LRFN2: variants seen among roughly 807,000 people sequenced by gnomAD.
LRFN2 encodes leucine rich repeat and fibronectin type III domain containing 2.
Under a neutral mutation model 37.3 loss-of-function variants are expected in LRFN2, and 18 were observed. That is an observed-to-expected ratio of 0.48 (90% CI 0.33 to 0.72). The LOEUF is 0.72. LRFN2 is among the 30% of genes least tolerant of loss of function. The probability of loss-of-function intolerance (pLI) is 0.02; values close to 1 mark genes in which losing one functional copy is unlikely to be tolerated. For missense variants in LRFN2, 1,006 were observed against 1,060.7 expected, an observed-to-expected ratio of 0.95 and a Z score of 0.72; for synonymous variants, 556 against 466.6, an observed-to-expected ratio of 1.19 and a Z score of -2.47.
chr6:40,415,672 A>G (rs1210365645), intron 2 of LRFN2, among the ~76,000 whole-genome samples: 2 of 152,210 alleles, frequency 1.3e-5, no homozygotes, highest in Non-Finnish European at 1.5e-5. Flanking sequence ...AAGACCTCCC[A>G]GAATAGTTGT....
chr6:40,552,654 C>A (rs1766797907), intron 1 of LRFN2, among the ~76,000 whole-genome samples: 1 of 152,148 alleles, frequency 6.6e-6, no homozygotes, highest in African/African-American at 2.4e-5. Context: ...ACTAAAGTCT[C>A]AAAAGCCATT....
At chr6:40,395,856 G>A (rs1247232781) in intron 2 of LRFN2, among the ~76,000 whole-genome samples, 7 of 152,100 alleles carry the variant, frequency 4.6e-5, no homozygotes, top group Non-Finnish European at 1.0e-4. Flanking sequence ...CCATTTTGTT[G>A]GGCCACAGTG....
chr6:40,550,006 C>T (rs1766740805), intron 1 of LRFN2, among the ~76,000 whole-genome samples: 2 of 151,974 alleles, frequency 1.3e-5, no homozygotes, highest in African/African-American at 4.8e-5. Flanking sequence ...TGCACTCCAG[C>T]CTGGGCAAGA....
At chr6:40,557,719 T>C (rs1766916531) in intron 1 of LRFN2, among the ~76,000 whole-genome samples, 1 of 152,186 alleles carries the variant, frequency 6.6e-6, no homozygotes, top group African/African-American at 2.4e-5. Context: ...GGCCCTGCTA[T>C]GGGACCTCAC....
intron 1 of LRFN2, among the ~76,000 whole-genome samples, chr6:40,524,788 T>C (rs1380686279): frequency 1.3e-5 from 2 of 152,192 alleles, no homozygotes; most frequent in Non-Finnish European, 2.9e-5. Flanking sequence ...TGGATCCTAA[T>C]AGTAACAACT....
chr6:40,507,718 G>A (rs146388215), intron 1 of LRFN2, among the ~76,000 whole-genome samples: 4 of 152,290 alleles, frequency 2.6e-5, no homozygotes, highest in Non-Finnish European at 4.4e-5. Context: ...AAATGCTGGC[G>A]ACAGCTTGTT....
intron 1 of LRFN2, among the ~76,000 whole-genome samples, chr6:40,446,612 C>T (rs1423985857): frequency 1.3e-5 from 2 of 152,252 alleles, no homozygotes; most frequent in African/African-American, 2.4e-5. Flanking sequence ...TGAACACCTG[C>T]TGTGCTGAGC....
Position 40,441,375 on chromosome 6 carries a change from C to T in LRFN2, c.-18-8244G>A, listed in dbSNP as rs530576969. On this transcript the variant is annotated intron_variant, in intron 1 of 2. Transcript: ENST00000338305. ...AACAGTGGGCGTGTGTGACAGCGCT[C>T]CTGAGGGCGTGTGAGTGAGGGGGCC... Among the ~76,000 whole-genome samples, 145 of 152,060 alleles carry T rather than the reference C, an allele frequency of 9.5e-4. 1 individual carries two copies. Among genetic ancestry groups the T allele is most frequent in the African/African-American group, 3.3e-3 (135 of 41,454 alleles).
intron 2 of LRFN2, among the ~76,000 whole-genome samples, chr6:40,421,514 A>G (rs534941765): frequency 9.1e-4 from 139 of 152,350 alleles, no homozygotes; most frequent in Middle Eastern, 3.4e-3. Context: ...CTGAGTTATT[A>G]TCAATAAAAA....
rs145282445 is a variant in LRFN2, at chr6:40,485,846, A to G, written c.-18-52715T>C. Among the ~76,000 whole-genome samples, 435 of 152,344 alleles carry G rather than the reference A, an allele frequency of 2.9e-3. 1 individual carries two copies. Among genetic ancestry groups the G allele is most frequent in the African/African-American group, 0.01 (418 of 41,592 alleles). On this transcript the variant is annotated intron_variant, in intron 1 of 2. Coordinates refer to ENST00000338305, the MANE Select transcript of LRFN2 (RefSeq NM_020737.3). ...CTGAGACAAAGATTCAAGGGCACAC[A>G]GTTTATTTGGGAGGTGGACTTTGAA...
intron 1 of LRFN2, among the ~76,000 whole-genome samples, chr6:40,434,009 C>T (rs1036584047): frequency 6.6e-6 from 1 of 152,188 alleles, no homozygotes; most frequent in Non-Finnish European, 1.5e-5. Flanking sequence ...CAGAGGCCTT[C>T]CCAGATGCTC....
intron 1 of LRFN2, among the ~76,000 whole-genome samples, chr6:40,457,658 A>AAAAAAG (rs1248241764): frequency 6.2e-4 from 93 of 149,214 alleles, no homozygotes; most frequent in African/African-American, 2.1e-3. Flanking sequence ...AAAAAAAAAA[A>AAAAAAG]AGAGAGGGAG....
intron 1 of LRFN2, among the ~76,000 whole-genome samples, chr6:40,520,852 C>T (rs148691806): frequency 6.6e-6 from 1 of 152,244 alleles, no homozygotes; most frequent in East Asian, 1.9e-4. Context: ...AACCCCATAT[C>T]ACCACCGAGC....
At chr6:40,427,577 G>A (rs983681061) in intron 2 of LRFN2, among the ~76,000 whole-genome samples, 3 of 152,228 alleles carry the variant, frequency 2.0e-5, no homozygotes, top group Non-Finnish European at 4.4e-5. Flanking sequence ...AGCATCTCCT[G>A]AAGACATGGT....
intron 1 of LRFN2, among the ~76,000 whole-genome samples, chr6:40,539,838 C>T (rs1766519192): frequency 6.6e-6 from 1 of 152,178 alleles, no homozygotes; most frequent in Non-Finnish European, 1.5e-5. Context: ...CCCTGCCCTA[C>T]TCACTGTGGG....
chr6:40,544,387 C>G (rs1766615345), intron 1 of LRFN2, among the ~76,000 whole-genome samples: 1 of 152,184 alleles, frequency 6.6e-6, no homozygotes, highest in African/African-American at 2.4e-5. Flanking sequence ...TATAAGCCAG[C>G]CTTTGTTTCC....
intron 1 of LRFN2, among the ~76,000 whole-genome samples, chr6:40,480,544 C>T (rs1479813059): frequency 6.6e-6 from 1 of 152,150 alleles, no homozygotes; most frequent in Admixed American, 6.5e-5. Flanking sequence ...TCCCAAAGTG[C>T]TGGGATTACA....
chr6:40,580,612 T>C (rs933626888), intron 1 of LRFN2, among the ~76,000 whole-genome samples: 3 of 152,084 alleles, frequency 2.0e-5, no homozygotes, highest in African/African-American at 7.2e-5. Context: ...GAAGACATGG[T>C]TTTGTCCTCC....
chr6:40,487,272 T>C (rs1764982603), intron 1 of LRFN2, among the ~76,000 whole-genome samples: 1 of 152,196 alleles, frequency 6.6e-6, no homozygotes, highest in Non-Finnish European at 1.5e-5. Flanking sequence ...GGGGAGGTCA[T>C]CCAGTTCTAT....
Sources: allele counts gnomAD v4.1 joint callset (sites outside exome capture counted in the v4.1 genomes callset), GRCh38; gene constraint gnomAD v4.1.1; transcripts MANE v1.5; gene names NCBI Gene and HGNC (gene_info 2026-07-23, HGNC 2026-07-21).